Variants in C6orf62 observed in about 807,000 individuals in gnomAD.
C6orf62 encodes the protein chromosome 6 open reading frame 62.
Under a neutral mutation model 26.8 loss-of-function variants are expected in C6orf62, and 16 were observed. The observed-to-expected ratio is 0.60, with a 90% CI of 0.40 to 0.91. The LOEUF (loss-of-function observed/expected upper bound fraction) is 0.91, where lower values mean the gene tolerates loss of function less well. Ranked by LOEUF, C6orf62 falls within the 40% of genes least tolerant of loss-of-function variation. The pLI, the probability that C6orf62 is intolerant of heterozygous loss-of-function variation, is 0.00. For missense variants in C6orf62, 192 were observed against 271.4 expected, an observed-to-expected ratio of 0.71 and a Z score of 2.06; for synonymous variants, 112 against 91.5, an observed-to-expected ratio of 1.22 and a Z score of -1.28.
rs552260993 is a variant in C6orf62 at position 24,704,895 on chromosome 6, A to C, written c.*1242T>G. ...TCACCTGAATAGTCAGGGAACTTTC[A>C]CCTATTTTATTTAGGTTTTCTTTTT... On this transcript the variant is annotated 3_prime_UTR_variant, in exon 5 of 5. Transcript: ENST00000378119. The C allele has an allele frequency of 1.8e-4, 27 of 152,436 alleles. No homozygotes were observed. The highest frequency in any genetic ancestry group is 6.5e-4 in the African/African-American group (27 of 41,566). The allele number at this position is 152,436 out of a possible 1,614,324, so 9.4% of individuals were successfully genotyped here.
upstream of C6orf62, chr6:24,719,381 G>C (rs1779306197): frequency 2.0e-6 from 2 of 1,006,886 alleles, no homozygotes. Flanking sequence ...AATCGGTAGA[G>C]AAGGAAAGGG....
At position 24,706,049 on chromosome 6, in the gene C6orf62, T is replaced by C; in HGVS notation, c.*88A>G. ...GTTCTGTGCATGAGTCCATTTTCTT[T>C]AAACTCTGAAAGAATAAAGTGGTAA... On this transcript the variant is annotated 3_prime_UTR_variant, in exon 5 of 5. Transcript: ENST00000378119. 6.5e-7 allele frequency: 1 copy of C among 1,536,296 alleles called. No homozygotes were observed. The highest frequency in any genetic ancestry group is 1.2e-5 in the South Asian group (1 of 81,268).
In C6orf62 at chr6:24,719,009, G is replaced by A. The variant is rs527386250; in HGVS notation, c.-341C>T. 22 of 1,123,500 alleles carry A rather than the reference G, an allele frequency of 2.0e-5. No individual in the cohort carries two copies. In the African/African-American group the frequency reaches 3.0e-4, roughly 16 times the overall value. The allele number at this position is 1,123,500 out of a possible 1,614,324, so 69.6% of individuals were successfully genotyped here. A position where few individuals can be genotyped will look rare whatever the true frequency, so the allele number is the denominator to read the frequency against. ...TAACTGCCAAAATAAAGGCTTTGCG[G>A]AGAAATGAAAAGCCTATAATCAGGA... On this transcript the variant is annotated 5_prime_UTR_variant, in exon 1 of 5. Coordinates refer to ENST00000378119, the MANE Select transcript of C6orf62 (RefSeq NM_030939.5).
Position 24,706,127 on chromosome 6 carries a change from G to C in C6orf62, c.*10C>G, listed in dbSNP as rs550859079. On this transcript the variant is annotated 3_prime_UTR_variant, in exon 5 of 5. Transcript: ENST00000378119. Reference sequence around the variant, plus strand: ...ATTCTCTGATCTTCTCCATTTTGCTGGTCAGTACTCTACTCTGGCATATAA... The same window carrying C: ...ATTCTCTGATCTTCTCCATTTTGCTCGTCAGTACTCTACTCTGGCATATAA... The C allele has an allele frequency of 6.2e-7, 1 of 1,613,698 alleles. No individual in the cohort carries two copies. Among genetic ancestry groups the C allele is most frequent in the South Asian group, 1.1e-5 (1 of 90,958 alleles).
At chr6:24,708,214 T>C (rs1394066959) in intron 4 of C6orf62, among the ~76,000 whole-genome samples, 2 of 149,662 alleles carry the variant, frequency 1.3e-5, no homozygotes, top group South Asian at 2.1e-4. Flanking sequence ...ACTAGAATCA[T>C]GACTTTTAAA....
rs187193243 is a variant in C6orf62, at chr6:24,715,364, A to G, written c.306+784T>C. ...TACAAAGCTGGAAGCACTTCCTTAT[A>G]TTCATATTCCCCCCAAAAAAGGAAA... On this transcript the variant is annotated intron_variant, in intron 2 of 4. Transcript: ENST00000378119. Among the ~76,000 whole-genome samples, 103 of 152,298 alleles carry G rather than the reference A, an allele frequency of 6.8e-4. 1 individual carries two copies. Among genetic ancestry groups the G allele is most frequent in the African/African-American group, 2.2e-3 (90 of 41,572 alleles).
rs750547527 is a variant in C6orf62 at position 24,716,197 on chromosome 6, T to C, written c.257A>G (p.Gln86Arg). ...YSLESSLELLQKDVVQLHAPR... is the reference protein window; with the variant it reads ...YSLESSLELLRKDVVQLHAPR... The stretch of plus-strand genomic sequence containing the variant: ...AGCATGGAGCTGTACCACATCCTTC[T>C]GTAAAAGCTCTAGGGAACTTTCCAA... The change falls in exon 2 of 5, where the codon CAG becomes CGG. Residue 86 changes from glutamine to arginine, a missense_variant. Physicochemically the swap from Gln to Arg is conservative, Grantham distance 43 (BLOSUM62 1). Coordinates refer to ENST00000378119, the MANE Select transcript of C6orf62 (RefSeq NM_030939.5). 2 of 1,614,060 alleles carry C rather than the reference T, an allele frequency of 1.2e-6. No homozygotes were observed. Among genetic ancestry groups the C allele is most frequent in the Non-Finnish European group, 1.7e-6 (2 of 1,179,904 alleles).
At chr6:24,708,999 A>C in intron 3 of C6orf62, 88 bp from the exon 4 acceptor site, 1 of 1,551,590 alleles carries the variant, frequency 6.4e-7, no homozygotes, top group Non-Finnish European at 8.7e-7. Flanking sequence ...TGTCCAATAA[A>C]GCAGCCAACA....
chr6:24,718,905 G>C lies in C6orf62; in HGVS notation c.-237C>G. The C allele has an allele frequency of 7.7e-7, 1 of 1,301,016 alleles. No homozygotes were observed. The highest frequency in any genetic ancestry group is 9.7e-7 in the Non-Finnish European group (1 of 1,026,930). The allele number at this position is 1,301,016 out of a possible 1,614,324, so 80.6% of individuals were successfully genotyped here. A position where few individuals can be genotyped will look rare whatever the true frequency, so the allele number is the denominator to read the frequency against. ...AGTCATGTTTGGACAATAACGTTTG[G>C]GGTCAGACGGGAAAAAGGGAGGAAA... On this transcript the variant is annotated 5_prime_UTR_variant, in exon 1 of 5. Coordinates refer to ENST00000378119, the MANE Select transcript of C6orf62 (RefSeq NM_030939.5).
chr6:24,719,869 G>T (rs1405612248), upstream of C6orf62: 1 of 1,353,420 alleles, frequency 7.4e-7, no homozygotes, highest in East Asian at 3.9e-5. Flanking sequence ...CTCGCACCAC[G>T]GGAGACACAG....
At chr6:24,718,496 C>T (rs756903820) in intron 1 of C6orf62, 44 bp downstream of exon 1, 27 of 1,531,622 alleles carry the variant, frequency 1.8e-5, no homozygotes, top group Non-Finnish European at 2.4e-5. Flanking sequence ...TATACACTTA[C>T]AAAAATTACT....
At chr6:24,719,803 G>A (rs1779317377), upstream of C6orf62, 16 of 1,547,916 alleles carry the variant, frequency 1.0e-5, no homozygotes, top group Non-Finnish European at 1.4e-5. Context: ...GAGACCACCT[G>A]CCTTCCACCC....
intron 3 of C6orf62, among the ~76,000 whole-genome samples, chr6:24,712,324 G>C (rs1285038489): frequency 2.0e-5 from 3 of 152,088 alleles, no homozygotes; most frequent in African/African-American, 7.2e-5. Flanking sequence ...AGAGGTTGCA[G>C]TGAGCCAAGA....
rs1581391409 is a variant in C6orf62, at chr6:24,704,918, TTTC to T, written c.*1216_*1218del. ...TCACCTATTTTATTTAGGTTTTCTT[TTTC>T]TTTTTTTCTTTTTTTTTCAAATTCC... is the stretch of plus-strand genomic sequence containing the variant. On this transcript the variant is annotated 3_prime_UTR_variant, in exon 5 of 5. Transcript: ENST00000378119. 6.6e-6 allele frequency: 1 copy of T among 152,134 alleles called. No individual in the cohort carries two copies. The highest frequency in any genetic ancestry group is 2.0e-4 in the East Asian group (1 of 5,118). The allele number at this position is 152,134 out of a possible 1,614,324, so 9.4% of individuals were successfully genotyped here. A position where few individuals can be genotyped will look rare whatever the true frequency, so the allele number is the denominator to read the frequency against.
upstream of C6orf62, chr6:24,720,362 C>T: frequency 8.1e-7 from 1 of 1,229,812 alleles, no homozygotes; most frequent in Non-Finnish European, 1.0e-6. Context: ...AACTGAGCCC[C>T]TCCATCCCCG....
upstream of C6orf62, chr6:24,719,208 A>G: frequency 1.0e-6 from 1 of 987,992 alleles, no homozygotes; most frequent in Non-Finnish European, 1.2e-6. Flanking sequence ...CCAAACACCA[A>G]AACAGGGTAG....
chr6:24,720,343 C>T (rs1779331585), upstream of C6orf62: 7 of 1,252,610 alleles, frequency 5.6e-6, no homozygotes, highest in South Asian at 2.9e-5. Flanking sequence ...CAAGAGAAAA[C>T]CACCAGCCAA....
chr6:24,708,824 T>C lies in C6orf62; in HGVS notation c.517A>G (p.Asn173Asp). The C allele has an allele frequency of 6.2e-7, 1 of 1,614,216 alleles. No homozygotes were observed. Among genetic ancestry groups the C allele is most frequent in the Non-Finnish European group, 8.5e-7 (1 of 1,180,046 alleles). ...AAGAGAAACACTGACTGGTTAGGAT[T>C]GTTGACAACGATTCCAGTCTTGTCC... ...RKDKTGIVVN[N>D]PNQSVFLFID... Residue 173 changes from asparagine (N) to aspartate (D), a missense_variant, in exon 4 of 5, where the codon AAT (asparagine) becomes GAT (aspartate). Asn to Asp is a conservative substitution (Grantham distance 23). Transcript: ENST00000378119.
At chr6:24,712,072 TTAAA>T (rs1779129821) in intron 3 of C6orf62, among the ~76,000 whole-genome samples, 1 of 152,066 alleles carries the variant, frequency 6.6e-6, no homozygotes, top group South Asian at 2.1e-4. Flanking sequence ...AGGACTGAGA[TTAAA>T]TATATATAAA....
Sources: gnomAD v4.1 joint callset for allele counts (sites outside exome capture counted in the v4.1 genomes callset) on GRCh38, gnomAD v4.1.1 for gene constraint, MANE v1.5 for transcripts, NCBI Gene and HGNC (gene_info 2026-07-23, HGNC 2026-07-21) for gene names.